Variants in MSI2 observed in about 807,000 individuals in gnomAD.
MSI2 encodes the protein RNA-binding protein Musashi homolog 2.
MSI2 carries 17 observed loss-of-function variants against 45.6 expected under a neutral mutation model. The observed-to-expected ratio is 0.37, with a 90% CI of 0.26 to 0.56. The LOEUF is 0.56. MSI2 is among the 20% of genes least tolerant of loss of function. The probability of loss-of-function intolerance (pLI) is 0.77; values close to 1 mark genes in which losing one functional copy is unlikely to be tolerated. For synonymous variants in MSI2, 156 were observed against 158.2 expected (o/e 0.99, Z 0.11); for missense variants, 293 against 444.2 (o/e 0.66, Z 3.06).
chr17:57,500,989 A>G (rs766513619), intron 6 of MSI2, among the ~76,000 whole-genome samples: 1 of 151,942 alleles, frequency 6.6e-6, no homozygotes, highest in Non-Finnish European at 1.5e-5. Flanking sequence ...AACCAATATG[A>G]TTAATAATAA....
chr17:57,601,038 C>T (rs1230124480), intron 8 of MSI2: 3 of 152,182 alleles, frequency 2.0e-5, no homozygotes, highest in African/African-American at 7.2e-5. Context: ...ACTGTGTGTC[C>T]CCTTCAGGCC....
intron 7 of MSI2, among the ~76,000 whole-genome samples, chr17:57,544,351 C>T (rs1187640547): frequency 2.6e-5 from 4 of 152,332 alleles, no homozygotes; most frequent in South Asian, 4.1e-4. Flanking sequence ...TCATTAGCAG[C>T]GTTGTTCACT....
intron 6 of MSI2, among the ~76,000 whole-genome samples, chr17:57,438,230 C>T (rs1364988243): frequency 1.3e-5 from 2 of 152,098 alleles, no homozygotes; most frequent in Admixed American, 1.3e-4. Flanking sequence ...GATGGGGTCC[C>T]CACAGCAAGC....
chr17:57,378,766 G>C (rs2083546622), intron 5 of MSI2, among the ~76,000 whole-genome samples: 1 of 152,172 alleles, frequency 6.6e-6, no homozygotes, highest in South Asian at 2.1e-4. Flanking sequence ...CAGGCTTTGA[G>C]TGTGGTCCAC....
intron 6 of MSI2, among the ~76,000 whole-genome samples, chr17:57,446,838 G>A (rs1189655890): frequency 2.0e-5 from 3 of 152,166 alleles, no homozygotes; most frequent in South Asian, 2.1e-4. Context: ...TGTGTTAGAC[G>A]AACACCAAAT....
rs187326996 is a variant in MSI2 at position 57,498,924 on chromosome 17, C to A, written c.406-30752C>A. Among the ~76,000 whole-genome samples, 384 of 132,014 alleles carry A rather than the reference C, an allele frequency of 2.9e-3. 1 individual carries two copies. The highest frequency in any genetic ancestry group is 0.013 in the South Asian group (41 of 3,160). 86.6% of individuals were successfully genotyped at this position (132,014 alleles called of 152,430 possible). A position where few individuals can be genotyped will look rare whatever the true frequency, so the allele number is the denominator to read the frequency against. The stretch of plus-strand genomic sequence containing the variant: ...TAATGCTGTCCCTCCCCCCTCCCCC[C>A]ACCCCACAACAGGCCCCGGTGTGTG... On this transcript the variant is annotated intron_variant, in intron 6 of 13. Coordinates refer to ENST00000284073, the MANE Select transcript of MSI2 (RefSeq NM_138962.4).
downstream of MSI2, among the ~76,000 whole-genome samples, chr17:57,686,210 C>T (rs889177130): frequency 2.6e-5 from 4 of 152,092 alleles, no homozygotes; most frequent in Admixed American, 6.5e-5. Context: ...AGGCTTCTAA[C>T]CTAGGTGCCT....
the MSI2 span, among the ~76,000 whole-genome samples, chr17:57,698,200 C>T: frequency 1.3e-5 from 2 of 152,362 alleles, no homozygotes; most frequent in Admixed American, 6.5e-5. Flanking sequence ...CCGGATCTTC[C>T]TGTCTCCACC....
chr17:57,560,144 G>C (rs2087537283), intron 7 of MSI2, among the ~76,000 whole-genome samples: 1 of 152,254 alleles, frequency 6.6e-6, no homozygotes. Flanking sequence ...ATCTCTCGTA[G>C]TACAGTAGCA....
intron 11 of MSI2, among the ~76,000 whole-genome samples, chr17:57,671,929 GAGAC>G (rs1039387783): frequency 2.0e-5 from 3 of 152,208 alleles, no homozygotes; most frequent in Non-Finnish European, 4.4e-5. Flanking sequence ...TCTGCTCACA[GAGAC>G]AGACAGAGAG....
rs1224252352 is a variant in MSI2, at chr17:57,596,567, G to A, written c.455-301G>A. ...CGCCTGCTGCCGTGCACAGAGCCGC[G>A]GGGCTCTGACCCTTGTAAATAACAG... On this transcript the variant is annotated intron_variant, in intron 7 of 13. Transcript: ENST00000284073. The surrounding 1 kb of genome is among the most constrained non-coding windows in gnomAD (Gnocchi z 4.6). 1.3e-5 allele frequency among the ~76,000 whole-genome samples: 2 copies of A among 152,238 alleles called. No homozygotes were observed. Among genetic ancestry groups the A allele is most frequent in the Non-Finnish European group, 2.9e-5 (2 of 68,042 alleles).
chr17:57,525,685 G>A (rs2086682628), intron 6 of MSI2, among the ~76,000 whole-genome samples: 1 of 152,182 alleles, frequency 6.6e-6, no homozygotes, highest in Non-Finnish European at 1.5e-5. Flanking sequence ...CTCAAGGTTG[G>A]AATAAGCTCC....
intron 7 of MSI2, among the ~76,000 whole-genome samples, chr17:57,594,581 A>G (rs1458335750): frequency 5.3e-5 from 8 of 152,274 alleles, no homozygotes; most frequent in African/African-American, 1.9e-4. Flanking sequence ...CTCTGCAATG[A>G]TCAGTGGGAC....
intron 6 of MSI2, among the ~76,000 whole-genome samples, chr17:57,502,636 T>TATATATAGAGAGAG: frequency 1.0e-5 from 1 of 96,900 alleles, no homozygotes; most frequent in Non-Finnish European, 2.1e-5. Context: ...TATATATATA[T>TATATATAGAGAGAG]AGTCATCATT....
chr17:57,480,586 G>A (rs1289413603), intron 6 of MSI2, among the ~76,000 whole-genome samples: 3 of 152,204 alleles, frequency 2.0e-5, no homozygotes, highest in Non-Finnish European at 4.4e-5. Flanking sequence ...ATTGGATCAT[G>A]TGAGCAGGAC....
intron 5 of MSI2, chr17:57,268,637 A>G (rs1908048729): frequency 6.6e-6 from 1 of 152,008 alleles, no homozygotes. Context: ...GGAGTTCAAG[A>G]TCAGCCTGGC....
chr17:57,280,524 A>C lies in MSI2; in HGVS notation c.312+18332A>C, dbSNP rs1037669264. On this transcript the variant is annotated intron_variant, in intron 5 of 13. Coordinates refer to ENST00000284073, the MANE Select transcript of MSI2 (RefSeq NM_138962.4). This position sits in a 1 kb window ranked among gnomAD's most constrained non-coding sequence, Gnocchi z 4.2. ...AGGAGTAGCAAGTGTTAAAGGTGAG[A>C]GGCAAATTTGACTTCTCATTGATGT... Among the ~76,000 whole-genome samples, 2 of 152,048 alleles carry C rather than the reference A, an allele frequency of 1.3e-5. No homozygotes were observed. The highest frequency in any genetic ancestry group is 2.4e-5 in the African/African-American group (1 of 41,384).
intron 5 of MSI2, among the ~76,000 whole-genome samples, chr17:57,323,124 CAGAA>C (rs1172963753): frequency 1.3e-5 from 2 of 151,962 alleles, no homozygotes; most frequent in African/African-American, 2.4e-5. Context: ...GGTCAGAAGC[CAGAA>C]AGAAAGATCA....
At chr17:57,475,987 A>G (rs970871158) in intron 6 of MSI2, among the ~76,000 whole-genome samples, 4 of 152,154 alleles carry the variant, frequency 2.6e-5, no homozygotes, top group Admixed American at 2.6e-4. Flanking sequence ...CCTCCCGACA[A>G]TGTCAGCTGT....
Sources: allele counts gnomAD v4.1 joint callset (sites outside exome capture counted in the v4.1 genomes callset), GRCh38; gene constraint gnomAD v4.1.1; non-coding constraint Gnocchi (gnomAD v3.1); transcripts MANE v1.5; gene names NCBI Gene and HGNC (gene_info 2026-07-23, HGNC 2026-07-21).